ETV1: variants seen among roughly 807,000 people sequenced by gnomAD.
ETV1 encodes the protein ETS variant transcription factor 1.
In ETV1, 27 loss-of-function variants were observed where a neutral mutation model predicts 62.3. The ratio of observed to expected loss-of-function variants is 0.43; its 90% CI spans 0.32 to 0.60. The LOEUF is 0.60. Among genes scored for constraint, ETV1 ranks in the 20% least tolerant of loss-of-function variants. The pLI is 0.06. For synonymous variants in ETV1, 222 were observed against 199.6 expected, an observed-to-expected ratio of 1.11 and a Z score of -0.94; for missense variants, 605 against 605.8, an observed-to-expected ratio of 1.00 and a Z score of 0.01.
At chr7:13,980,893 T>A (rs958704185) in intron 5 of ETV1, among the ~76,000 whole-genome samples, 1 of 152,160 alleles carries the variant, frequency 6.6e-6, no homozygotes, top group Non-Finnish European at 1.5e-5. Flanking sequence ...TCCTTTTTAA[T>A]TTTAATACTT....
intron 9 of ETV1, among the ~76,000 whole-genome samples, chr7:13,915,093 T>C (rs936733121): frequency 6.6e-6 from 1 of 152,202 alleles, no homozygotes; most frequent in Non-Finnish European, 1.5e-5. Context: ...AAATGAGAAA[T>C]CTCAGTAAAA....
chr7:13,939,275 A>C, intron 6 of ETV1, 29 bp from the exon 7 acceptor site: 1 of 1,590,240 alleles, frequency 6.3e-7, no homozygotes, highest in Non-Finnish European at 8.5e-7. Context: ...ATATCCACAA[A>C]AATTAAATGC....
intron 9 of ETV1, among the ~76,000 whole-genome samples, chr7:13,925,738 TG>T (rs1299451804): frequency 1.7e-5 from 2 of 115,426 alleles, no homozygotes; most frequent in African/African-American, 9.0e-5. Flanking sequence ...GCTAATTTTT[TG>T]TATTTTTTTT....
intron 9 of ETV1, among the ~76,000 whole-genome samples, chr7:13,922,973 C>T (rs972146498): frequency 1.3e-5 from 2 of 152,074 alleles, no homozygotes; most frequent in Non-Finnish European, 2.9e-5. Context: ...GGTAAAATAT[C>T]CTGATGACAC....
At chr7:13,910,399 A>C (rs890553979) in intron 10 of ETV1, 1 of 165,996 alleles carries the variant, frequency 6.0e-6, no homozygotes, top group Non-Finnish European at 1.2e-5. Context: ...TTATTTCTCA[A>C]ATGTATTGGT....
At chr7:13,948,386 C>G (rs1788413819) in intron 6 of ETV1, among the ~76,000 whole-genome samples, 1 of 152,170 alleles carries the variant, frequency 6.6e-6, no homozygotes, top group Admixed American at 6.5e-5. Context: ...ATTTTTAATT[C>G]TTCTCTAAAC....
At chr7:13,921,468 G>A (rs900318469) in intron 9 of ETV1, among the ~76,000 whole-genome samples, 4 of 152,080 alleles carry the variant, frequency 2.6e-5, no homozygotes, top group Non-Finnish European at 4.4e-5. Flanking sequence ...CCTTGACTCC[G>A]AAGGGGAAAA....
chr7:13,955,700 T>C (rs1469354438), intron 6 of ETV1, among the ~76,000 whole-genome samples: 1 of 152,234 alleles, frequency 6.6e-6, no homozygotes, highest in Non-Finnish European at 1.5e-5. Flanking sequence ...GAACTAAATG[T>C]ATTGGATCAG....
intron 5 of ETV1, among the ~76,000 whole-genome samples, chr7:13,978,964 C>G (rs993477677): frequency 2.0e-5 from 3 of 152,010 alleles, no homozygotes; most frequent in African/African-American, 7.2e-5. Flanking sequence ...CGCTACCAAA[C>G]AAAATCAAAC....
chr7:13,930,127 A>G (rs1785916090), intron 9 of ETV1, among the ~76,000 whole-genome samples: 1 of 152,194 alleles, frequency 6.6e-6, no homozygotes, highest in South Asian at 2.1e-4. Flanking sequence ...AATAATGTTA[A>G]CAATATTTTA....
intron 6 of ETV1, among the ~76,000 whole-genome samples, chr7:13,968,250 C>G (rs948845662): frequency 6.7e-6 from 1 of 148,684 alleles, no homozygotes; most frequent in Non-Finnish European, 1.5e-5. Context: ...ATATTAAGGA[C>G]AAAATTAAAG....
chr7:13,946,945 T>C (rs1314863162), intron 6 of ETV1, among the ~76,000 whole-genome samples: 2 of 152,066 alleles, frequency 1.3e-5, no homozygotes, highest in Non-Finnish European at 2.9e-5. Flanking sequence ...TGTGCCACCA[T>C]GCTCAGCTAA....
intron 9 of ETV1, among the ~76,000 whole-genome samples, chr7:13,920,975 A>T (rs1302976476): frequency 6.6e-6 from 1 of 152,234 alleles, no homozygotes; most frequent in Non-Finnish European, 1.5e-5. Flanking sequence ...CCTAAAAATC[A>T]GAGATTAAGT....
At position 13,895,971 on chromosome 7, in the gene ETV1, G is replaced by A. The variant is rs377147676; in HGVS notation, c.1329C>T (p.Asn443=). Residue 443 remains asparagine, a synonymous_variant, in exon 14 of 14, where the codon AAC becomes AAT. Coordinates refer to ENST00000430479, the MANE Select transcript of ETV1 (RefSeq NM_004956.5). ...GAGAAAGAGGCACTGTGTCCTCCTCGTTGATGTGACGTTCCATGTCTGTCT... is the reference window on the plus strand; with the variant it reads ...GAGAAAGAGGCACTGTGTCCTCCTCATTGATGTGACGTTCCATGTCTGTCT... ...LLKTDMERHI[N]EEDTVPLSHF... The A allele has an allele frequency of 8.6e-5, 138 of 1,613,498 alleles. 1 individual carries two copies. Among genetic ancestry groups the A allele is most frequent in the African/African-American group, 2.1e-4 (16 of 74,922 alleles).
chr7:13,978,444 TTTTAA>T (rs1280935396), intron 5 of ETV1, among the ~76,000 whole-genome samples: 3 of 152,032 alleles, frequency 2.0e-5, no homozygotes, highest in Non-Finnish European at 4.4e-5. Flanking sequence ...GTTAGGTTAC[TTTTAA>T]TTTGATAAAA....
At chr7:13,953,223 T>C (rs186620267) in intron 6 of ETV1, among the ~76,000 whole-genome samples, 1 of 152,056 alleles carries the variant, frequency 6.6e-6, no homozygotes, top group Non-Finnish European at 1.5e-5. Flanking sequence ...GAGAAACAGA[T>C]CTAATAAATT....
chr7:13,917,221 C>A (rs1010215961), intron 9 of ETV1, among the ~76,000 whole-genome samples: 11 of 151,954 alleles, frequency 7.2e-5, no homozygotes, highest in African/African-American at 2.7e-4. Flanking sequence ...CTGTGATAGT[C>A]TTACTAAGCT....
intron 6 of ETV1, 51 bp downstream of exon 6, chr7:13,977,376 A>G: frequency 8.1e-7 from 1 of 1,241,268 alleles, no homozygotes; most frequent in East Asian, 2.6e-5. Flanking sequence ...AGAAGAAAGA[A>G]GGAAACCAGA....
At chr7:13,916,595 G>A (rs981354945) in intron 9 of ETV1, among the ~76,000 whole-genome samples, 9 of 151,872 alleles carry the variant, frequency 5.9e-5, no homozygotes, top group Non-Finnish European at 1.2e-4. Flanking sequence ...CCGAGATCGC[G>A]CCACTGCACT....
Sources: allele counts gnomAD v4.1 joint callset (sites outside exome capture counted in the v4.1 genomes callset), GRCh38; gene constraint gnomAD v4.1.1; transcripts MANE v1.5; gene names NCBI Gene and HGNC (gene_info 2026-07-23, HGNC 2026-07-21).